The following CUX2 variants were observed in gnomAD, a reference collection of about 807,000 sequenced individuals.
CUX2 encodes the protein cut like homeobox 2, also known as homeobox protein cut-like 2.
A neutral mutation model predicts 144.8 loss-of-function variants in CUX2; 40 were observed. That is an observed-to-expected ratio of 0.28 (90% CI 0.21 to 0.36). The LOEUF is 0.36. Among genes scored for constraint, CUX2 ranks in the 10% least tolerant of loss-of-function variants. The pLI is 1.00. For missense variants in CUX2, 1,615 were observed against 1,994.0 expected (o/e 0.81, Z 3.62); for synonymous variants, 827 against 875.6 (o/e 0.94, Z 0.98).
At chr12:111,203,679 G>A (rs1880749800) in intron 1 of CUX2, among the ~76,000 whole-genome samples, 1 of 152,110 alleles carries the variant, frequency 6.6e-6, no homozygotes, top group African/African-American at 2.4e-5. Flanking sequence ...TCACATGGGA[G>A]CCATGGAAGG....
Position 111,310,145 on chromosome 12 carries a change from C to G in CUX2, c.1363C>G (p.Leu455Val), listed in dbSNP as rs1461067358. The change falls in exon 15 of 22, where the codon CTG becomes GTG. Residue 455 changes from leucine (L) to valine (V), a missense_variant. Around this residue, in one of 12 missense-constraint regions of CUX2, gnomAD observed 154 missense variants for 148.4 expected, o/e 1.04. Coordinates refer to ENST00000261726, the MANE Select transcript of CUX2 (RefSeq NM_015267.4). This position sits in a 1 kb window ranked among gnomAD's most constrained non-coding sequence, Gnocchi z 7.9. ...ACCTCCACCAGGGCCAGAAGACCCC[C>G]TGTCTCCCAGCCCCGGGCAGCCCCT... ...LPPPPGPEDP[L>V]SPSPGQPLLG... 4 of 1,538,386 alleles carry G rather than the reference C, an allele frequency of 2.6e-6. No individual in the cohort carries two copies. The South Asian group carries it at 5.0e-5, about 19-fold the overall frequency.
At position 111,200,603 on chromosome 12, in the gene CUX2, G is replaced by A. The variant is rs1225913702; in HGVS notation, c.64-13597G>A. Among the ~76,000 whole-genome samples, 6 of 152,120 alleles carry A rather than the reference G, an allele frequency of 3.9e-5. No homozygotes were observed. The East Asian group carries it at 1.2e-3, about 30-fold the overall frequency. ...GCAGACTCTCGGGTAACCCTACCTG[G>A]CCAGCCCCCATTCAATCCAGGCCTC... On this transcript the variant is annotated intron_variant, in intron 1 of 21. Transcript: ENST00000261726.
At chr12:111,144,192 G>A (rs867342205) in intron 1 of CUX2, among the ~76,000 whole-genome samples, 5 of 152,166 alleles carry the variant, frequency 3.3e-5, no homozygotes, top group African/African-American at 1.2e-4. Context: ...ATGATGCCCA[G>A]AACTGTGTTT....
rs939095329 is a variant in CUX2, at chr12:111,255,443, G to A, written c.223-8318G>A. 3.3e-5 allele frequency among the ~76,000 whole-genome samples: 5 copies of A among 152,236 alleles called. No individual in the cohort carries two copies. The highest frequency in any genetic ancestry group is 1.2e-4 in the African/African-American group (5 of 41,462). ...GCCCCAGCAGACACACCTGGAGGCA[G>A]GCAGGGTTGAGTCCTGCAGCTCCTC... On this transcript the variant is annotated intron_variant, in intron 3 of 21. Transcript: ENST00000261726. The surrounding 1 kb of genome is among the most constrained non-coding windows in gnomAD (Gnocchi z 4.1).
intron 1 of CUX2, among the ~76,000 whole-genome samples, chr12:111,161,454 T>C (rs934807630): frequency 3.9e-5 from 6 of 152,132 alleles, no homozygotes; most frequent in Non-Finnish European, 8.8e-5. Flanking sequence ...ACTGAAACAC[T>C]CTCTTGCATG....
intron 1 of CUX2, among the ~76,000 whole-genome samples, chr12:111,175,517 C>T (rs2136172860): frequency 6.6e-6 from 1 of 152,204 alleles, no homozygotes; most frequent in South Asian, 2.1e-4. Flanking sequence ...GAGCAGCACC[C>T]CATGCCTTTG....
intron 1 of CUX2, among the ~76,000 whole-genome samples, chr12:111,064,880 A>G (rs1457803055): frequency 6.6e-6 from 1 of 152,238 alleles, no homozygotes; most frequent in Non-Finnish European, 1.5e-5. Context: ...ACTGGGCCCA[A>G]TGCCCGGCAT....
chr12:111,112,317 T>A (rs1182981364), intron 1 of CUX2, among the ~76,000 whole-genome samples: 1 of 152,202 alleles, frequency 6.6e-6, no homozygotes, highest in African/African-American at 2.4e-5. Flanking sequence ...TTGCCTCATA[T>A]TGCAAAGAAG....
chr12:111,053,891 A>T (rs1055610253), intron 1 of CUX2, among the ~76,000 whole-genome samples: 1 of 152,218 alleles, frequency 6.6e-6, no homozygotes, highest in Non-Finnish European at 1.5e-5. Context: ...GCAGTGGCTC[A>T]CGCCTGTAAT....
chr12:111,225,982 T>C (rs577095130), intron 3 of CUX2, among the ~76,000 whole-genome samples: 1 of 152,294 alleles, frequency 6.6e-6, no homozygotes, highest in East Asian at 1.9e-4. Context: ...CCCACCCTTT[T>C]TCCGCTGCCG....
intron 4 of CUX2, among the ~76,000 whole-genome samples, chr12:111,271,579 T>C (rs1349864486): frequency 6.6e-6 from 1 of 152,242 alleles, no homozygotes; most frequent in Non-Finnish European, 1.5e-5. Context: ...GGTACTGTGC[T>C]GTACCAAGAA....
At chr12:111,167,246 C>T (rs1878203232) in intron 1 of CUX2, among the ~76,000 whole-genome samples, 1 of 152,170 alleles carries the variant, frequency 6.6e-6, no homozygotes, top group Admixed American at 6.5e-5. Context: ...CCTTCACCTG[C>T]ACTGAAGCTT....
intron 1 of CUX2, among the ~76,000 whole-genome samples, chr12:111,181,340 G>A (rs759128153): frequency 6.6e-6 from 1 of 152,266 alleles, no homozygotes; most frequent in Non-Finnish European, 1.5e-5. Context: ...GGGAAGCCAA[G>A]GTGAGGCTGT....
intron 1 of CUX2, among the ~76,000 whole-genome samples, chr12:111,177,114 G>T (rs1390000994): frequency 1.3e-5 from 2 of 152,118 alleles, no homozygotes; most frequent in Non-Finnish European, 2.9e-5. Flanking sequence ...CCCGTGCTGG[G>T]CTCCTTCAGG....
chr12:111,099,342 G>A (rs1299815379), intron 1 of CUX2: 1 of 348,532 alleles, frequency 2.9e-6, no homozygotes, highest in South Asian at 2.2e-5. Flanking sequence ...GGAGGCCAGA[G>A]GCAGTGCTGC....
chr12:111,279,792 G>A (rs535949937), intron 4 of CUX2, among the ~76,000 whole-genome samples: 2 of 152,284 alleles, frequency 1.3e-5, no homozygotes, highest in East Asian at 1.9e-4. Flanking sequence ...GACCATCCTG[G>A]CCAACATGGT....
chr12:111,099,924 T>TTGCAGAGCAGAACCTGCGTCAGC, intron 1 of CUX2: 1 of 456,660 alleles, frequency 2.2e-6, no homozygotes, highest in South Asian at 1.6e-5. Flanking sequence ...AAAATGTTTA[T>TTGCAGAGCAGAACCTGCGTCAGC]TGCAGAGCAG....
intron 1 of CUX2, among the ~76,000 whole-genome samples, chr12:111,163,832 T>C (rs1172727768): frequency 1.3e-5 from 2 of 152,180 alleles, no homozygotes; most frequent in Non-Finnish European, 2.9e-5. Context: ...CACCCATGCT[T>C]GCCAGGGGTC....
At position 111,310,215 on chromosome 12, in the gene CUX2, T is replaced by A. The variant is rs1467842394; in HGVS notation, c.1433T>A (p.Leu478Gln). 6.6e-7 allele frequency: 1 copy of A among 1,514,940 alleles called. No homozygotes were observed. Among genetic ancestry groups the A allele is most frequent in the Admixed American group, 2.2e-5 (1 of 44,552 alleles). The allele number at this position is 1,514,940 out of a possible 1,614,324, so 93.8% of individuals were successfully genotyped here. A position where few individuals can be genotyped will look rare whatever the true frequency, so the allele number is the denominator to read the frequency against. The stretch of plus-strand genomic sequence containing the variant: ...CCTGACGGCACTCGGACTTTCTCGC[T>A]GTCCCCCTTCCCCAGCCTGGCATCA... ...LGPDGTRTFS[L>Q]SPFPSLASGE... is the part of the protein sequence containing the mutation. The change falls in exon 15 of 22, where the codon CTG becomes CAG. Residue 478 changes from leucine (L) to glutamine (Q), a missense_variant. By Grantham distance (113) the Leu-to-Gln change is moderately radical. Transcript: ENST00000261726. This position sits in a 1 kb window ranked among gnomAD's most constrained non-coding sequence, Gnocchi z 7.9.
Sources: gnomAD v4.1 joint callset for allele counts (sites outside exome capture counted in the v4.1 genomes callset) on GRCh38, gnomAD v4.1.1 for gene constraint, gnomAD v4.1.1 regional missense constraint, Gnocchi (gnomAD v3.1) non-coding constraint, MANE v1.5 for transcripts, NCBI Gene and HGNC (gene_info 2026-07-23, HGNC 2026-07-21) for gene names.